The following LYRM4 variants were observed in gnomAD, a reference collection of about 807,000 sequenced individuals.
The protein encoded by LYRM4 is LYR motif-containing protein 4.
In LYRM4, 9 loss-of-function variants were observed where a neutral mutation model predicts 11.7. The observed-to-expected ratio is 0.77, with a 90% CI of 0.46 to 1.34. LYRM4 has a LOEUF of 1.34. Ranked by LOEUF, LYRM4 falls within the 40% of genes most tolerant of loss-of-function variation. The pLI, the probability that LYRM4 is intolerant of heterozygous loss-of-function variation, is 0.00. For missense variants in LYRM4, 133 were observed against 112.5 expected, an observed-to-expected ratio of 1.18 and a Z score of -0.82; for synonymous variants, 42 against 40.4, an observed-to-expected ratio of 1.04 and a Z score of -0.15.
At chr6:5,240,217 C>T (rs1489881901) in intron 1 of LYRM4, among the ~76,000 whole-genome samples, 5 of 152,140 alleles carry the variant, frequency 3.3e-5, no homozygotes, top group Non-Finnish European at 4.4e-5. Flanking sequence ...TTCCCTGACT[C>T]ACTCTGGTAA....
the LYRM4 span, chr6:5,086,808 C>G: frequency 1.9e-6 from 1 of 532,964 alleles, no homozygotes; most frequent in Non-Finnish European, 3.3e-6. Context: ...GTTTGACCTT[C>G]CTACAAGGCC....
rs1027438391 is a variant in LYRM4 at position 5,132,530 on chromosome 6, C to G, written c.208-23039G>C. ...TGCTTTCAAAGAGAAGAGTACCCAG[C>G]CTGTGCTACAAAAGGCTGAGAGTGA... On this transcript the variant is annotated intron_variant, in intron 2 of 2. Coordinates refer to ENST00000330636, the MANE Select transcript of LYRM4 (RefSeq NM_020408.6). Among the ~76,000 whole-genome samples the G allele has an allele frequency of 3.3e-5, 5 of 152,306 alleles. 1 individual carries two copies. In the South Asian group the frequency reaches 6.2e-4, roughly 19 times the overall value.
At chr6:5,044,907 AC>A in the LYRM4 span, among the ~76,000 whole-genome samples, 2 of 152,324 alleles carry the variant, frequency 1.3e-5, no homozygotes, top group African/African-American at 4.8e-5. Context: ...TCTCCTGGGC[AC>A]GCAGGAAAGT....
At chr6:5,205,771 T>C (rs1446940791) in intron 2 of LYRM4, among the ~76,000 whole-genome samples, 1 of 152,178 alleles carries the variant, frequency 6.6e-6, no homozygotes, top group Non-Finnish European at 1.5e-5. Flanking sequence ...CCTCACTCCT[T>C]CTCAGAAGCT....
intron 1 of LYRM4, among the ~76,000 whole-genome samples, chr6:5,248,375 A>G (rs902060586): frequency 1.3e-5 from 2 of 152,202 alleles, no homozygotes; most frequent in African/African-American, 2.4e-5. Context: ...CGTCTTTTCT[A>G]TATGGGGTGA....
In LYRM4 at chr6:5,258,963, T is replaced by C. The variant is rs150463004; in HGVS notation, c.86+1685A>G. Among the ~76,000 whole-genome samples the C allele has an allele frequency of 1.6e-4, 25 of 152,336 alleles. No homozygotes were observed. The East Asian group carries it at 4.4e-3, about 27-fold the overall frequency. ...CTCATTTGAAAACGCTTGGGCCTCA[T>C]TTGCTCATAAATCATTTCCAAAGAG... is the stretch of plus-strand genomic sequence containing the variant. On this transcript the variant is annotated intron_variant, in intron 1 of 2. Transcript: ENST00000330636.
chr6:5,066,445 C>T, the LYRM4 span: 101 of 756,672 alleles, frequency 1.3e-4, 1 homozygote, highest in African/African-American at 1.7e-3. Context: ...CAAGGAACTG[C>T]TTCTATTCCC....
intron 2 of LYRM4, among the ~76,000 whole-genome samples, chr6:5,167,347 G>C (rs1759144690): frequency 6.6e-6 from 1 of 152,064 alleles, no homozygotes; most frequent in Non-Finnish European, 1.5e-5. Flanking sequence ...AAAATGTCTT[G>C]TTCTATGCCT....
intron 2 of LYRM4, among the ~76,000 whole-genome samples, chr6:5,182,553 TC>T (rs1379921111): frequency 6.6e-6 from 1 of 152,242 alleles, no homozygotes; most frequent in East Asian, 1.9e-4. Flanking sequence ...TCATAAGCCC[TC>T]TAGATATTGA....
At chr6:5,243,678 T>A (rs1378517076) in intron 1 of LYRM4, among the ~76,000 whole-genome samples, 1 of 152,214 alleles carries the variant, frequency 6.6e-6, no homozygotes, top group Non-Finnish European at 1.5e-5. Flanking sequence ...ACCAGAAGAC[T>A]ATATATGATA....
chr6:5,135,636 G>A (rs1163397914), intron 2 of LYRM4, among the ~76,000 whole-genome samples: 1 of 152,162 alleles, frequency 6.6e-6, no homozygotes, highest in Admixed American at 6.5e-5. Context: ...CCTCAGGCCT[G>A]TCTCCTCCAA....
intron 2 of LYRM4, among the ~76,000 whole-genome samples, chr6:5,140,250 C>T (rs1757332532): frequency 6.6e-6 from 1 of 151,874 alleles, no homozygotes. Context: ...AACCTTTCAC[C>T]ACGTGACTGT....
chr6:5,044,958 A>G, the LYRM4 span, among the ~76,000 whole-genome samples: 1 of 152,246 alleles, frequency 6.6e-6, no homozygotes, highest in Non-Finnish European at 1.5e-5. Context: ...AGTGACACTA[A>G]GTCAGGTAAT....
At chr6:5,218,709 G>C (rs193192750) in intron 1 of LYRM4, among the ~76,000 whole-genome samples, 1 of 152,334 alleles carries the variant, frequency 6.6e-6, no homozygotes, top group East Asian at 1.9e-4. Flanking sequence ...TGTACTAGCA[G>C]CTGCTAAATA....
At chr6:5,111,085 G>A (rs1439934049) in intron 2 of LYRM4, among the ~76,000 whole-genome samples, 1 of 152,142 alleles carries the variant, frequency 6.6e-6, no homozygotes, top group Non-Finnish European at 1.5e-5. Flanking sequence ...CTACAGAGAA[G>A]GGGAGGATTG....
chr6:5,087,094 G>A, the LYRM4 span: 6 of 153,418 alleles, frequency 3.9e-5, 1 homozygote. Flanking sequence ...AAAACCCTTC[G>A]GGGCTGGGCC....
intron 2 of LYRM4, among the ~76,000 whole-genome samples, chr6:5,166,803 T>C (rs752858387): frequency 3.3e-5 from 5 of 152,248 alleles, no homozygotes; most frequent in Non-Finnish European, 5.9e-5. Flanking sequence ...TGTGAATGAA[T>C]GAAAGTTGAA....
intron 2 of LYRM4, among the ~76,000 whole-genome samples, chr6:5,149,649 G>A (rs1757979861): frequency 6.6e-6 from 1 of 152,064 alleles, no homozygotes; most frequent in Admixed American, 6.6e-5. Flanking sequence ...TGAAGTCCCT[G>A]ACTACTGTGG....
At chr6:5,119,079 C>T (rs1763281019) in intron 2 of LYRM4, among the ~76,000 whole-genome samples, 1 of 152,142 alleles carries the variant, frequency 6.6e-6, no homozygotes, top group South Asian at 2.1e-4. Flanking sequence ...TTTGCTTCCC[C>T]TCTCCCAGTA....
Sources: allele counts gnomAD v4.1 joint callset (sites outside exome capture counted in the v4.1 genomes callset), GRCh38; gene constraint gnomAD v4.1.1; transcripts MANE v1.5; gene names NCBI Gene and HGNC (gene_info 2026-07-23, HGNC 2026-07-21).